Variants in PTGDR observed in about 807,000 individuals in gnomAD.
The protein encoded by PTGDR is prostaglandin D2 receptor.
PTGDR carries 19 observed loss-of-function variants against 17.4 expected under a neutral mutation model. That is an observed-to-expected ratio of 1.09 (90% CI 0.76 to 1.60). The LOEUF (loss-of-function observed/expected upper bound fraction) is 1.60. Ranked by LOEUF, PTGDR falls within the 40% of genes most tolerant of loss-of-function variation. The pLI, the probability that PTGDR is intolerant of heterozygous loss-of-function variation, is 0.00. For missense variants in PTGDR, 526 were observed against 481.9 expected (o/e 1.09, Z -0.86); for synonymous variants, 267 against 224.2 (o/e 1.19, Z -1.71).
Position 52,274,807 on chromosome 14 carries a change from C to A in PTGDR, c.923C>A (p.Ala308Asp). 1 of 1,613,566 alleles carries A rather than the reference C, an allele frequency of 6.2e-7. No individual in the cohort carries two copies. Among genetic ancestry groups the A allele is most frequent in the Non-Finnish European group, 8.5e-7 (1 of 1,179,506 alleles). The change falls in exon 2 of 2, where the codon GCC becomes GAC. Residue 308 changes from alanine (A) to aspartate (D), a missense_variant. Coordinates refer to ENST00000306051, the MANE Select transcript of PTGDR (RefSeq NM_000953.3). ...RTSEEAEDLR[A>D]LRFLSVISIV... ...TCTGAAGAAGCAGAAGACCTCCGAG[C>A]CTTGCGATTTCTATCTGTGATTTCA...
At chr14:52,270,619 T>A (rs1172772476) in intron 1 of PTGDR, among the ~76,000 whole-genome samples, 1 of 152,236 alleles carries the variant, frequency 6.6e-6, no homozygotes. Context: ...TCTCCCATGT[T>A]ATATTAGTAC....
intron 1 of PTGDR, among the ~76,000 whole-genome samples, chr14:52,269,201 A>C (rs923480266): frequency 6.6e-6 from 1 of 152,276 alleles, no homozygotes; most frequent in East Asian, 1.9e-4. Context: ...GCATAGTTTT[A>C]ATTTTGAAAA....
At position 52,275,947 on chromosome 14, in the gene PTGDR, C is replaced by T. The variant is rs201371943; in HGVS notation, c.*983C>T. ...TTGACGATAGTAACAATGGCCTTAA[C>T]ATCTACCTTAACAGCTACCTATTAC... is the stretch of plus-strand genomic sequence containing the variant. On this transcript the variant is annotated 3_prime_UTR_variant, in exon 2 of 2. Coordinates refer to ENST00000306051, the MANE Select transcript of PTGDR (RefSeq NM_000953.3). 2 of 152,776 alleles carry T rather than the reference C, an allele frequency of 1.3e-5. No individual in the cohort carries two copies. The highest frequency in any genetic ancestry group is 3.9e-4 in the East Asian group (2 of 5,192). The allele number at this position is 152,776 out of a possible 1,614,324, so 9.5% of individuals were successfully genotyped here.
In PTGDR at chr14:52,267,948, G is replaced by A. The variant is rs773362841; in HGVS notation, c.134G>A (p.Gly45Glu). 14 of 1,609,906 alleles carry A rather than the reference G, an allele frequency of 8.7e-6. No individual in the cohort carries two copies. Among genetic ancestry groups the A allele is most frequent in the Non-Finnish European group, 1.1e-5 (13 of 1,179,542 alleles). ...GCCCTGGGGCTGCTGGCGCGCTCGG[G>A]GCTGGGGTGGTGCTCGCGGCGTCCA... ...LLALGLLARS[G>E]LGWCSRRPLR... Residue 45 changes from glycine to glutamate, a missense_variant, in exon 1 of 2, where the codon GGG (glycine) becomes GAG (glutamate). Coordinates refer to ENST00000306051, the MANE Select transcript of PTGDR (RefSeq NM_000953.3).
rs140878897 is a variant in PTGDR, at chr14:52,268,538, G to A, written c.724G>A (p.Asp242Asn). 1.9e-6 allele frequency: 3 copies of A among 1,612,348 alleles called. No homozygotes were observed. The highest frequency in any genetic ancestry group is 3.3e-5 in the Admixed American group (2 of 59,986). The change falls in exon 1 of 2, where the codon GAC (aspartate) becomes AAC (asparagine). Residue 242 changes from aspartate (D) to asparagine (N), a missense_variant. Transcript: ENST00000306051. The part of the protein sequence containing the change: ...LQRHPRSCTR[D>N]CAEPRADGRE... The stretch of plus-strand genomic sequence containing the variant: ...GCGGCACCCGCGCTCCTGCACCAGG[G>A]ACTGTGCCGAGCCGCGCGCGGACGG...
rs200351416 is a variant in PTGDR, at chr14:52,274,700, C to T, written c.847-31C>T. ...TCCATTGCTGCCATTAACCTTTCCA[C>T]ATCATAATGGAATGTTTTTCTTCAA... is the stretch of plus-strand genomic sequence containing the variant. On this transcript the variant is annotated intron_variant, in intron 1 of 1. Transcript: ENST00000306051. The T allele has an allele frequency of 1.4e-5, 21 of 1,532,842 alleles. No individual in the cohort carries two copies. In the African/African-American group the frequency reaches 2.5e-4, roughly 18 times the overall value. The allele number at this position is 1,532,842 out of a possible 1,614,324, so 95.0% of individuals were successfully genotyped here. A position where few individuals can be genotyped will look rare whatever the true frequency, so the allele number is the denominator to read the frequency against.
At chr14:52,279,050 T>C (rs1173214139), downstream of PTGDR, among the ~76,000 whole-genome samples, 1 of 152,200 alleles carries the variant, frequency 6.6e-6, no homozygotes, top group Non-Finnish European at 1.5e-5. Flanking sequence ...GACTAGATAG[T>C]CACCTATTTT....
intron 1 of PTGDR, among the ~76,000 whole-genome samples, chr14:52,274,217 A>T (rs549258337): frequency 2.0e-5 from 3 of 152,204 alleles, no homozygotes; most frequent in Non-Finnish European, 4.4e-5. Context: ...CTTCACATTG[A>T]TTAAAAGCTT....
downstream of PTGDR, among the ~76,000 whole-genome samples, chr14:52,279,139 G>A (rs953097391): frequency 2.0e-5 from 3 of 151,946 alleles, no homozygotes; most frequent in African/African-American, 4.8e-5. Context: ...AATAAAACGC[G>A]TTCTCTCTCA....
chr14:52,273,138 G>A (rs918752561), intron 1 of PTGDR, among the ~76,000 whole-genome samples: 1 of 151,826 alleles, frequency 6.6e-6, no homozygotes, highest in Non-Finnish European at 1.5e-5. Flanking sequence ...TCAGCCTCCC[G>A]AGTAGCTGGG....
At chr14:52,277,716 C>G (rs772687657), downstream of PTGDR, among the ~76,000 whole-genome samples, 28 of 152,200 alleles carry the variant, frequency 1.8e-4, no homozygotes, top group Non-Finnish European at 3.8e-4. Context: ...CTGAAACTTA[C>G]TACAAATGCA....
At chr14:52,270,655 C>T (rs894698582) in intron 1 of PTGDR, among the ~76,000 whole-genome samples, 1 of 152,190 alleles carries the variant, frequency 6.6e-6, no homozygotes, top group Non-Finnish European at 1.5e-5. Context: ...GATTTTGTCT[C>T]TTGGCCATAA....
chr14:52,271,305 G>T (rs803006), intron 1 of PTGDR, among the ~76,000 whole-genome samples: 102,804 of 151,400 alleles, frequency 0.68, 35,707 homozygotes, highest in Middle Eastern at 0.85. Context: ...AACGATTATC[G>T]TCCCAGGAGA....
At position 52,268,531 on chromosome 14, in the gene PTGDR, C is replaced by A; in HGVS notation, c.717C>A (p.Cys239Ter). The A allele has an allele frequency of 6.2e-7, 1 of 1,612,476 alleles. No individual in the cohort carries two copies. Among genetic ancestry groups the A allele is most frequent in the Non-Finnish European group, 8.5e-7 (1 of 1,179,742 alleles). Residue 239 changes from cysteine to a stop codon, truncating the protein, a stop_gained, in exon 1 of 2, where the codon TGC (cysteine) becomes TGA (stop). Transcript: ENST00000306051. LOFTEE classifies it high-confidence loss of function. ...HRRLQRHPRSCTRDCAEPRAD... is the reference protein window; with the variant it reads ...HRRLQRHPRS The stretch of plus-strand genomic sequence containing the variant: ...GGCTGCAGCGGCACCCGCGCTCCTG[C>A]ACCAGGGACTGTGCCGAGCCGCGCG...
At position 52,276,279 on chromosome 14, in the gene PTGDR, A is replaced by G. The variant is rs1017872366; in HGVS notation, c.*1315A>G. The G allele has an allele frequency of 6.6e-6, 1 of 152,126 alleles. No individual in the cohort carries two copies. The allele number at this position is 152,126 out of a possible 1,614,324, so 9.4% of individuals were successfully genotyped here. A position where few individuals can be genotyped will look rare whatever the true frequency, so the allele number is the denominator to read the frequency against. ...CTCTGGAGTTCCTTTGTATCTGACAATCTCAGGACTCCAAGGTGCAAAGCC... is the reference window on the plus strand; with the variant it reads ...CTCTGGAGTTCCTTTGTATCTGACAGTCTCAGGACTCCAAGGTGCAAAGCC... On this transcript the variant is annotated 3_prime_UTR_variant, in exon 2 of 2. Coordinates refer to ENST00000306051, the MANE Select transcript of PTGDR (RefSeq NM_000953.3).
At chr14:52,279,945 A>G (rs1189139331), downstream of PTGDR, among the ~76,000 whole-genome samples, 1 of 152,140 alleles carries the variant, frequency 6.6e-6, no homozygotes, top group African/African-American at 2.4e-5. Context: ...AAATGAAAGT[A>G]TATTTTAGGC....
chr14:52,277,273 C>T (rs2033441616), downstream of PTGDR, among the ~76,000 whole-genome samples: 1 of 152,050 alleles, frequency 6.6e-6, no homozygotes, highest in African/African-American at 2.4e-5. Flanking sequence ...CTAGGGACCA[C>T]GTGTAGGGTT....
At chr14:52,269,730 G>A (rs1030727665) in intron 1 of PTGDR, among the ~76,000 whole-genome samples, 2 of 152,198 alleles carry the variant, frequency 1.3e-5, no homozygotes, top group African/African-American at 4.8e-5. Context: ...AGGCCTTACT[G>A]CTTGCGGAAA....
chr14:52,268,158 T>C lies in PTGDR; in HGVS notation c.344T>C (p.Phe115Ser). Residue 115 changes from phenylalanine (F) to serine (S), a missense_variant, in exon 1 of 2, where the codon TTT becomes TCT. Physicochemically the swap from Phe to Ser is radical, Grantham distance 155. Coordinates refer to ENST00000306051, the MANE Select transcript of PTGDR (RefSeq NM_000953.3). Reference protein sequence around the residue: ...CQAFAFFMSFFGLSSTLQLLA... With the variant: ...CQAFAFFMSFSGLSSTLQLLA... Reference sequence around the variant, plus strand: ...GCCTTCGCCTTCTTCATGTCCTTCTTTGGGCTCTCCTCGACACTGCAACTC... The same window carrying C: ...GCCTTCGCCTTCTTCATGTCCTTCTCTGGGCTCTCCTCGACACTGCAACTC... 2 of 1,614,172 alleles carry C rather than the reference T, an allele frequency of 1.2e-6. No homozygotes were observed. The highest frequency in any genetic ancestry group is 1.7e-6 in the Non-Finnish European group (2 of 1,180,028).
Sources: allele counts gnomAD v4.1 joint callset (sites outside exome capture counted in the v4.1 genomes callset), GRCh38; gene constraint gnomAD v4.1.1; transcripts MANE v1.5; gene names NCBI Gene and HGNC (gene_info 2026-07-23, HGNC 2026-07-21).